The following LRRC4C variants were observed in gnomAD, a reference collection of about 807,000 sequenced individuals.
LRRC4C encodes the protein leucine rich repeat containing 4C, also known as leucine-rich repeat-containing protein 4C.
LRRC4C carries 5 observed loss-of-function variants against 33.6 expected under a neutral mutation model. The observed-to-expected ratio is 0.15, with a 90% CI of 0.08 to 0.31. The LOEUF is 0.31. Among genes scored for constraint, LRRC4C ranks in the 10% least tolerant of loss-of-function variants. The probability of loss-of-function intolerance (pLI) is 1.00; values close to 1 mark genes in which losing one functional copy is unlikely to be tolerated. For synonymous variants in LRRC4C, 329 were observed against 302.0 expected (o/e 1.09, Z -0.93); for missense variants, 560 against 796.7 (o/e 0.70, Z 3.58).
chr11:41,209,033 C>T (rs535319956), intron 1 of LRRC4C, among the ~76,000 whole-genome samples: 61 of 150,442 alleles, frequency 4.1e-4, no homozygotes, highest in Non-Finnish European at 7.5e-4. Context: ...ACATAGGGGC[C>T]TATTTGAAGG....
At chr11:40,831,247 T>C (rs558864331) in intron 2 of LRRC4C, among the ~76,000 whole-genome samples, 143 of 152,256 alleles carry the variant, frequency 9.4e-4, no homozygotes, top group African/African-American at 2.4e-3. Context: ...TTTTGCTCTC[T>C]GGTAAATGCA....
intron 1 of LRRC4C, among the ~76,000 whole-genome samples, chr11:41,229,955 A>T (rs1223939040): frequency 2.0e-5 from 3 of 152,096 alleles, no homozygotes; most frequent in African/African-American, 7.2e-5. Context: ...TAATTGAAGT[A>T]AATTTTTCTA....
chr11:41,245,645 TTC>T (rs1948421855), intron 1 of LRRC4C, among the ~76,000 whole-genome samples: 1 of 152,224 alleles, frequency 6.6e-6, no homozygotes, highest in African/African-American at 2.4e-5. Context: ...GCTGCAGCTC[TTC>T]TCTTTTCTTC....
chr11:41,021,366 C>G (rs978871811), intron 1 of LRRC4C, among the ~76,000 whole-genome samples: 1 of 151,890 alleles, frequency 6.6e-6, no homozygotes, highest in Non-Finnish European at 1.5e-5. Context: ...CTAGAGTTCT[C>G]CTTTCCTATA....
At chr11:40,822,687 C>T (rs894029710) in intron 2 of LRRC4C, among the ~76,000 whole-genome samples, 1 of 151,484 alleles carries the variant, frequency 6.6e-6, no homozygotes, top group Non-Finnish European at 1.5e-5. Flanking sequence ...TAATAGAATC[C>T]CATTTGTCTA....
chr11:40,471,402 G>A (rs1026243695), intron 3 of LRRC4C, among the ~76,000 whole-genome samples: 5 of 152,062 alleles, frequency 3.3e-5, no homozygotes, highest in African/African-American at 7.2e-5. Flanking sequence ...AATATGTAAA[G>A]GAACAACTGG....
Position 40,127,990 on chromosome 11 carries a change from A to C in LRRC4C, c.-42-11656T>G, listed in dbSNP as rs944003459. 3.3e-5 allele frequency among the ~76,000 whole-genome samples: 5 copies of C among 152,178 alleles called. No homozygotes were observed. The East Asian group carries it at 9.6e-4, about 29-fold the overall frequency. On this transcript the variant is annotated intron_variant, in intron 6 of 6. Coordinates refer to ENST00000528697, the MANE Select transcript of LRRC4C (RefSeq NM_001258419.2). ...AGTTTTAGTCCTCTTTCTAATTTGAAACAATGCTGAAGCACAAAAAGAATG... is the reference window on the plus strand; with the variant it reads ...AGTTTTAGTCCTCTTTCTAATTTGACACAATGCTGAAGCACAAAAAGAATG...
At chr11:40,299,541 A>G (rs1174512111) in intron 4 of LRRC4C, among the ~76,000 whole-genome samples, 1 of 152,262 alleles carries the variant, frequency 6.6e-6, no homozygotes, top group Non-Finnish European at 1.5e-5. Context: ...ATTGAACAAA[A>G]CTATTTGTAA....
Position 40,200,180 on chromosome 11 carries a change from TAAAAAAAAAAAAAAAA to T in LRRC4C, c.-96+41323_-96+41338del, listed in dbSNP as rs56269292. 1.8e-3 allele frequency among the ~76,000 whole-genome samples: 48 copies of T among 26,048 alleles called. 2 individuals are homozygous for T. The South Asian group carries it at 0.037, about 20-fold the overall frequency. The allele number at this position is 26,048 out of a possible 152,430, so 17.1% of individuals were successfully genotyped here. On this transcript the variant is annotated intron_variant, in intron 5 of 6. Coordinates refer to ENST00000528697, the MANE Select transcript of LRRC4C (RefSeq NM_001258419.2). ...CAAAATGGAGAAAGCCTGTCTCCAC[TAAAAAAAAAAAAAAAA>T]AAAAAAAAAAAAAAAAAAATAGCCA... is the stretch of plus-strand genomic sequence containing the variant.
chr11:40,633,907 T>G (rs1435390096), intron 3 of LRRC4C, among the ~76,000 whole-genome samples: 1 of 152,216 alleles, frequency 6.6e-6, no homozygotes, highest in Non-Finnish European at 1.5e-5. Flanking sequence ...TACATATATG[T>G]GAAAATGAAT....
chr11:40,803,645 G>T (rs376218229), intron 2 of LRRC4C, among the ~76,000 whole-genome samples: 2 of 151,590 alleles, frequency 1.3e-5, no homozygotes, highest in Non-Finnish European at 1.5e-5. Flanking sequence ...AAAGAGTCTC[G>T]CTCTGTCACC....
chr11:41,102,868 T>A (rs776671938), intron 1 of LRRC4C, among the ~76,000 whole-genome samples: 1 of 152,006 alleles, frequency 6.6e-6, no homozygotes, highest in Non-Finnish European at 1.5e-5. Flanking sequence ...GCTTGATGTG[T>A]AAAGCTTGAA....
chr11:40,141,133 A>G (rs1857336206), intron 5 of LRRC4C, among the ~76,000 whole-genome samples: 1 of 152,148 alleles, frequency 6.6e-6, no homozygotes, highest in Non-Finnish European at 1.5e-5. Context: ...AGTAAGTCAC[A>G]TTTTCTCTGT....
At chr11:40,438,496 G>A (rs1185670069) in intron 3 of LRRC4C, among the ~76,000 whole-genome samples, 3 of 152,106 alleles carry the variant, frequency 2.0e-5, no homozygotes, top group Non-Finnish European at 4.4e-5. Context: ...AGGAGGGCAG[G>A]GACATTTGTC....
intron 2 of LRRC4C, among the ~76,000 whole-genome samples, chr11:40,824,185 T>A (rs1253768699): frequency 6.6e-6 from 1 of 151,586 alleles, no homozygotes; most frequent in African/African-American, 2.4e-5. Flanking sequence ...AATTTGGGGG[T>A]TGATTGAAAT....
At chr11:40,126,732 G>A (rs1290442712) in intron 6 of LRRC4C, among the ~76,000 whole-genome samples, 1 of 151,980 alleles carries the variant, frequency 6.6e-6, no homozygotes, top group Non-Finnish European at 1.5e-5. Context: ...AGGTCAGGGT[G>A]GGCAAATCAC....
intron 3 of LRRC4C, among the ~76,000 whole-genome samples, chr11:40,627,714 AT>A (rs779835865): frequency 7.9e-5 from 12 of 152,166 alleles, no homozygotes; most frequent in East Asian, 7.7e-4. Flanking sequence ...AGAGAATACA[AT>A]TTCTTATCTT....
In LRRC4C at chr11:41,055,472, G is replaced by C. The variant is rs545805987; in HGVS notation, c.-495-121749C>G. Among the ~76,000 whole-genome samples the C allele has an allele frequency of 8.5e-5, 13 of 152,230 alleles. No homozygotes were observed. In the South Asian group the frequency reaches 2.7e-3, roughly 32 times the overall value. On this transcript the variant is annotated intron_variant, in intron 1 of 6. Coordinates refer to ENST00000528697, the MANE Select transcript of LRRC4C (RefSeq NM_001258419.2). ...ACAGGTAGTGTAAAAGAGCTGCAGA[G>C]AGTCTACATCTTAACCAACTCATGG...
At chr11:41,276,657 G>A (rs1369459259) in intron 1 of LRRC4C, among the ~76,000 whole-genome samples, 1 of 152,102 alleles carries the variant, frequency 6.6e-6, no homozygotes, top group African/African-American at 2.4e-5. Flanking sequence ...AGCTGTGAAT[G>A]TTATTTTACA....
Sources: allele counts gnomAD v4.1 joint callset (sites outside exome capture counted in the v4.1 genomes callset), GRCh38; gene constraint gnomAD v4.1.1; transcripts MANE v1.5; gene names NCBI Gene and HGNC (gene_info 2026-07-23, HGNC 2026-07-21).